The following RGMA variants were observed in gnomAD, a reference collection of about 807,000 sequenced individuals.
The protein encoded by RGMA is repulsive guidance molecule A.
In RGMA, 10 loss-of-function variants were observed where a neutral mutation model predicts 23.2. That is an observed-to-expected ratio of 0.43 (90% CI 0.27 to 0.73). The LOEUF is 0.73. RGMA is among the 30% of genes least tolerant of loss of function. The pLI is 0.20. For synonymous variants in RGMA, 308 were observed against 279.3 expected (o/e 1.10, Z -1.03); for missense variants, 547 against 630.5 (o/e 0.87, Z 1.42).
In RGMA at chr15:93,052,425, G is replaced by A. The variant is rs200297402; in HGVS notation, c.213C>T (p.Asp71=). ...GCAAGGCTGCACAGAACTCGGGGGT[G>A]TCGTCTGAGGCTGGGGCGTGGCTGC... ...TSGSHAPASD[D]TPEFCAALRS... is the part of the protein sequence containing the mutation. Residue 71 remains aspartate, a synonymous_variant, in exon 3 of 4, where the codon GAC becomes GAT. Transcript: ENST00000329082. 2.6e-5 allele frequency: 42 copies of A among 1,596,306 alleles called. No homozygotes were observed. The Admixed American group carries it at 5.5e-4, about 21-fold the overall frequency.
At chr15:93,072,767 CG>C (rs1167444088) in intron 2 of RGMA, 148 bp downstream of exon 2, 1 of 896,360 alleles carries the variant, frequency 1.1e-6, no homozygotes, top group East Asian at 2.8e-5. Context: ...CGACGGGGTG[CG>C]GGAGAAACAA....
chr15:93,075,795 A>G (rs1895464517), intron 1 of RGMA, among the ~76,000 whole-genome samples: 1 of 152,302 alleles, frequency 6.6e-6, no homozygotes, highest in Admixed American at 6.5e-5. Context: ...TGAGCAAATA[A>G]TTTGGGAAAG....
intron 2 of RGMA, chr15:93,066,673 C>A: frequency 5.0e-6 from 2 of 399,092 alleles, no homozygotes; most frequent in Admixed American, 3.3e-5. Context: ...CCAGTACCGG[C>A]CCCCGCCGCC....
intron 3 of RGMA, among the ~76,000 whole-genome samples, chr15:93,046,171 T>C (rs1534781): frequency 0.56 from 85,065 of 151,986 alleles, 24,889 homozygotes; most frequent in East Asian, 0.93. Flanking sequence ...AAGAGATTAT[T>C]CTGGATTACC....
intron 1 of RGMA, among the ~76,000 whole-genome samples, chr15:93,081,440 T>C (rs1286032884): frequency 6.6e-6 from 1 of 152,226 alleles, no homozygotes; most frequent in Non-Finnish European, 1.5e-5. Context: ...AATACTATAG[T>C]ATACCTGAAA....
At chr15:93,055,232 T>G (rs1482561670) in intron 2 of RGMA, among the ~76,000 whole-genome samples, 1 of 152,128 alleles carries the variant, frequency 6.6e-6, no homozygotes, top group Non-Finnish European at 1.5e-5. Flanking sequence ...GCACTTACTG[T>G]GACCAAAGTA....
intron 2 of RGMA, among the ~76,000 whole-genome samples, chr15:93,063,663 C>T (rs1219889817): frequency 1.3e-5 from 2 of 152,206 alleles, no homozygotes; most frequent in Non-Finnish European, 2.9e-5. Flanking sequence ...GAATGTGTCA[C>T]CTTTTCTAAA....
chr15:93,049,934 C>T (rs906267791), intron 3 of RGMA, among the ~76,000 whole-genome samples: 3 of 152,228 alleles, frequency 2.0e-5, no homozygotes, highest in Admixed American at 6.5e-5. Flanking sequence ...GCCTCATCAT[C>T]TTGGAGATGA....
chr15:93,066,341 G>A, intron 2 of RGMA: 1 of 783,962 alleles, frequency 1.3e-6, no homozygotes, highest in Non-Finnish European at 2.3e-6. Context: ...ATTTGACAGT[G>A]CCCAGGACTC....
chr15:93,073,935 T>A, intron 1 of RGMA: 1 of 1,431,740 alleles, frequency 7.0e-7, no homozygotes, highest in South Asian at 1.5e-5. Flanking sequence ...GCCGGATGGT[T>A]TGGCGCTCTC....
intron 1 of RGMA, among the ~76,000 whole-genome samples, chr15:93,079,802 G>A (rs1567196167): frequency 2.0e-5 from 3 of 152,234 alleles, no homozygotes; most frequent in South Asian, 4.2e-4. Context: ...CATGGGCAAC[G>A]GAGAGACTCT....
intron 3 of RGMA, among the ~76,000 whole-genome samples, chr15:93,046,673 G>A (rs1409168506): frequency 1.3e-5 from 2 of 152,176 alleles, no homozygotes; most frequent in African/African-American, 2.4e-5. Context: ...AGCAGGCAGA[G>A]GCAAGCAGAA....
intron 2 of RGMA, among the ~76,000 whole-genome samples, chr15:93,059,927 C>G (rs2055075416): frequency 6.6e-6 from 1 of 152,226 alleles, no homozygotes; most frequent in African/African-American, 2.4e-5. Context: ...AAAGTTTGAG[C>G]TGAAAAACAG....
intron 1 of RGMA, chr15:93,073,733 C>A: frequency 1.3e-6 from 2 of 1,537,192 alleles, no homozygotes; most frequent in African/African-American, 2.7e-5. Context: ...AGGTTCCCGC[C>A]CGTCGTGGCC....
chr15:93,049,156 C>T (rs754998653), intron 3 of RGMA, among the ~76,000 whole-genome samples: 2 of 152,238 alleles, frequency 1.3e-5, no homozygotes, highest in Non-Finnish European at 2.9e-5. Context: ...GCTCCCCCTT[C>T]TGAAGGGGTC....
In RGMA at chr15:93,043,529, C is replaced by T. The variant is rs1402778397; in HGVS notation, c.*1469G>A. ...ACACGTGGACGCAGTGAGGGGTCCC[C>T]ACTTCCAAGCAGAACGTGAGCAAAC... On this transcript the variant is annotated 3_prime_UTR_variant, in exon 4 of 4. Coordinates refer to ENST00000329082, the MANE Select transcript of RGMA (RefSeq NM_020211.3). 2 of 152,530 alleles carry T rather than the reference C, an allele frequency of 1.3e-5. No homozygotes were observed. Among genetic ancestry groups the T allele is most frequent in the Non-Finnish European group, 2.9e-5 (2 of 68,060 alleles). 9.4% of individuals were successfully genotyped at this position (152,530 alleles called of 1,614,324 possible). A position where few individuals can be genotyped will look rare whatever the true frequency, so the allele number is the denominator to read the frequency against.
chr15:93,061,604 G>C (rs998692491), intron 2 of RGMA, among the ~76,000 whole-genome samples: 2 of 152,212 alleles, frequency 1.3e-5, no homozygotes. Flanking sequence ...ACTGAGATAA[G>C]GTAGAGAGAA....
At position 93,035,523 on chromosome 15, in the gene RGMA, G is replaced by A. The variant is rs1027118385; in HGVS notation, c.*9475C>T. ...CAGGCCAGGTGATCAGACGTCCCCT[G>A]GAGGCCGTGGGGCATGAAGACCACG... On this transcript the variant is annotated 3_prime_UTR_variant, in exon 4 of 4. Coordinates refer to ENST00000329082, the MANE Select transcript of RGMA (RefSeq NM_020211.3). 3 of 152,210 alleles carry A rather than the reference G, an allele frequency of 2.0e-5. No homozygotes were observed. The highest frequency in any genetic ancestry group is 2.9e-5 in the Non-Finnish European group (2 of 68,056). The allele number at this position is 152,210 out of a possible 1,614,324, so 9.4% of individuals were successfully genotyped here. A position where few individuals can be genotyped will look rare whatever the true frequency, so the allele number is the denominator to read the frequency against.
intron 2 of RGMA, chr15:93,062,669 A>C (rs1296822904): frequency 2.0e-5 from 3 of 152,208 alleles, no homozygotes; most frequent in Non-Finnish European, 4.4e-5. Context: ...TTTCCCCACA[A>C]GGGGACACTA....
Sources: gnomAD v4.1 joint callset for allele counts (sites outside exome capture counted in the v4.1 genomes callset) on GRCh38, gnomAD v4.1.1 for gene constraint, MANE v1.5 for transcripts, NCBI Gene and HGNC (gene_info 2026-07-23, HGNC 2026-07-21) for gene names.